EYA2: variants seen among roughly 807,000 people sequenced by gnomAD.
The protein encoded by EYA2 is EYA transcriptional coactivator and phosphatase 2.
A neutral mutation model predicts 69.2 loss-of-function variants in EYA2; 31 were observed. The ratio of observed to expected loss-of-function variants is 0.45; its 90% CI spans 0.34 to 0.60. EYA2 has a LOEUF of 0.60. EYA2 is among the 20% of genes least tolerant of loss of function. EYA2 has a pLI of 0.02. For missense variants in EYA2, 622 were observed against 701.2 expected (o/e 0.89, Z 1.28); for synonymous variants, 257 against 279.4 (o/e 0.92, Z 0.80).
intron 5 of EYA2, among the ~76,000 whole-genome samples, chr20:47,055,213 C>T (rs2030544920): frequency 1.3e-5 from 2 of 152,334 alleles, no homozygotes; most frequent in East Asian, 1.9e-4. Context: ...GAAGTGTAAG[C>T]CATCTCGAAC....
chr20:47,160,978 G>T, intron 10 of EYA2: 1 of 295,746 alleles, frequency 3.4e-6, no homozygotes. Flanking sequence ...CCAGAGGTTG[G>T]GGGTCGGGTA....
intron 5 of EYA2, among the ~76,000 whole-genome samples, chr20:47,063,787 G>A (rs1020092510): frequency 3.9e-5 from 6 of 152,140 alleles, no homozygotes; most frequent in African/African-American, 1.2e-4. Flanking sequence ...TTTAAACCCC[G>A]GAAAACTCTG....
At chr20:47,182,977 A>G (rs2034566693) in intron 14 of EYA2, among the ~76,000 whole-genome samples, 1 of 152,144 alleles carries the variant, frequency 6.6e-6, no homozygotes. Context: ...AGTGCATTCA[A>G]ATGGTTGTGC....
chr20:47,156,563 T>G (rs531506661), intron 10 of EYA2, among the ~76,000 whole-genome samples: 1 of 151,918 alleles, frequency 6.6e-6, no homozygotes, highest in South Asian at 2.1e-4. Context: ...TGAGCCTGGT[T>G]GCTAAACGTG....
intron 1 of EYA2, among the ~76,000 whole-genome samples, chr20:46,964,299 TG>T (rs1600587218): frequency 6.6e-6 from 1 of 152,148 alleles, no homozygotes; most frequent in African/African-American, 2.4e-5. Context: ...GTCAGATGTA[TG>T]TTTAAAAATC....
intron 7 of EYA2, among the ~76,000 whole-genome samples, chr20:47,077,511 A>G (rs766703946): frequency 6.6e-6 from 1 of 152,216 alleles, no homozygotes; most frequent in Non-Finnish European, 1.5e-5. Flanking sequence ...GGAGACAGTC[A>G]TCAACAAATA....
At chr20:47,135,963 G>GCT (rs1221055237) in intron 9 of EYA2, among the ~76,000 whole-genome samples, 1 of 151,892 alleles carries the variant, frequency 6.6e-6, no homozygotes, top group African/African-American at 2.4e-5. Context: ...GCTGCAGTGA[G>GCT]CTATGGTCAT....
chr20:47,016,249 T>C lies in EYA2; in HGVS notation c.367T>C (p.Phe123Leu), dbSNP rs1375874921. The C allele has an allele frequency of 9.3e-6, 15 of 1,614,088 alleles. No homozygotes were observed. Among genetic ancestry groups the C allele is most frequent in the African/African-American group, 1.3e-5 (1 of 74,926 alleles). Residue 123 changes from phenylalanine to leucine, a missense_variant, in exon 5 of 16, where the codon TTC becomes CTC. Coordinates refer to ENST00000327619, the MANE Select transcript of EYA2 (RefSeq NM_005244.5). ...QSGFLSYGSS[F>L]STSPTGQSPY... ...TGGATTCCTCAGCTATGGCTCCAGC[T>C]TCAGCACCTCACCCACTGGACAGAG...
At position 47,134,731 on chromosome 20, in the gene EYA2, G is replaced by A. The variant is rs546626194; in HGVS notation, c.889-8328G>A. On this transcript the variant is annotated intron_variant, in intron 9 of 15. Transcript: ENST00000327619. ...TATTTTAGGATTTCAGCTAGGTCCTGTGGTGACTACTCAACTATGCCATTG... is the reference window on the plus strand; with the variant it reads ...TATTTTAGGATTTCAGCTAGGTCCTATGGTGACTACTCAACTATGCCATTG... Among the ~76,000 whole-genome samples the A allele has an allele frequency of 2.2e-4, 34 of 152,318 alleles. 1 individual carries two copies. In the South Asian group the frequency reaches 6.6e-3, roughly 30 times the overall value.
At chr20:47,149,824 A>G (rs1044839396) in intron 10 of EYA2, among the ~76,000 whole-genome samples, 1 of 152,082 alleles carries the variant, frequency 6.6e-6, no homozygotes, top group South Asian at 2.1e-4. Context: ...TGCAGTCCAG[A>G]CTGGGCAACA....
In EYA2 at chr20:46,941,711, G is replaced by A. The variant is rs191726383; in HGVS notation, c.-11+46724G>A. 9.2e-5 allele frequency among the ~76,000 whole-genome samples: 14 copies of A among 152,178 alleles called. No homozygotes were observed. In the East Asian group the frequency reaches 2.7e-3, roughly 29 times the overall value. ...GAGGGTTAGATGAGACATTATAAAG[G>A]CCTTTGGAGCTTAGCAGGTGGCGGG... On this transcript the variant is annotated intron_variant, in intron 1 of 15. Transcript: ENST00000327619.
chr20:47,070,804 G>A (rs2031285078), intron 5 of EYA2, among the ~76,000 whole-genome samples: 1 of 152,000 alleles, frequency 6.6e-6, no homozygotes, highest in African/African-American at 2.4e-5. Flanking sequence ...ATTTTATGTT[G>A]TATATATACC....
chr20:47,107,796 AGGAAG>A (rs1424231910), intron 9 of EYA2, among the ~76,000 whole-genome samples: 14 of 152,084 alleles, frequency 9.2e-5, no homozygotes, highest in African/African-American at 3.1e-4. Context: ...AAGAGGAAGA[AGGAAG>A]GGAAGGGAAG....
At chr20:47,002,780 C>T (rs1982462427) in intron 3 of EYA2, among the ~76,000 whole-genome samples, 1 of 152,330 alleles carries the variant, frequency 6.6e-6, no homozygotes, top group South Asian at 2.1e-4. Context: ...TCTCTGCCCC[C>T]GGAGAGCTAG....
At chr20:46,952,632 C>T (rs1206204926) in intron 1 of EYA2, among the ~76,000 whole-genome samples, 1 of 152,168 alleles carries the variant, frequency 6.6e-6, no homozygotes, top group Admixed American at 6.5e-5. Context: ...GGTCCAGAGG[C>T]CGCACACAAT....
At chr20:46,954,593 C>G (rs1168476030) in intron 1 of EYA2, among the ~76,000 whole-genome samples, 3 of 152,194 alleles carry the variant, frequency 2.0e-5, no homozygotes, top group Non-Finnish European at 4.4e-5. Flanking sequence ...TCCACAAATA[C>G]CATGCCGATG....
chr20:47,007,810 G>T (rs545249406), intron 4 of EYA2, among the ~76,000 whole-genome samples: 2 of 151,848 alleles, frequency 1.3e-5, no homozygotes, highest in South Asian at 2.1e-4. Context: ...GTAGAGACGG[G>T]GGGTGGGGGG....
chr20:46,922,401 G>A (rs547820612), intron 1 of EYA2, among the ~76,000 whole-genome samples: 13 of 152,300 alleles, frequency 8.5e-5, no homozygotes, highest in African/African-American at 3.1e-4. Flanking sequence ...GTTTTTTACT[G>A]TGTATACTCT....
chr20:46,970,560 C>T (rs542537319), intron 1 of EYA2, among the ~76,000 whole-genome samples: 1 of 152,082 alleles, frequency 6.6e-6, no homozygotes, highest in African/African-American at 2.4e-5. Context: ...GATAGAGAGA[C>T]GTTCGTTTCA....
Sources: gnomAD v4.1 joint callset for allele counts (sites outside exome capture counted in the v4.1 genomes callset) on GRCh38, gnomAD v4.1.1 for gene constraint, MANE v1.5 for transcripts, NCBI Gene and HGNC (gene_info 2026-07-23, HGNC 2026-07-21) for gene names.